ENDOD1: variants seen among roughly 807,000 people sequenced by gnomAD.
ENDOD1 encodes endonuclease domain containing 1.
In ENDOD1, 9 loss-of-function variants were observed where a neutral mutation model predicts 6.5. That is an observed-to-expected ratio of 1.39 (90% CI 0.84 to 2.43). The LOEUF is 2.43. Among genes scored for constraint, ENDOD1 ranks in the 30% most tolerant of loss-of-function variants. The probability of loss-of-function intolerance (pLI) is 0.00; values close to 1 mark genes in which losing one functional copy is unlikely to be tolerated. For synonymous variants in ENDOD1, 255 were observed against 255.2 expected (o/e 1.00, Z 0.01); for missense variants, 648 against 635.5 (o/e 1.02, Z -0.21).
rs1304756733 is a variant in ENDOD1, at chr11:95,131,784, C to A, written c.*2205C>A. 6.6e-6 allele frequency: 1 copy of A among 152,230 alleles called. No individual in the cohort carries two copies. The highest frequency in any genetic ancestry group is 1.5e-5 in the Non-Finnish European group (1 of 68,048). The allele number at this position is 152,230 out of a possible 1,614,324, so 9.4% of individuals were successfully genotyped here. On this transcript the variant is annotated 3_prime_UTR_variant, in exon 2 of 2. Transcript: ENST00000278505. ...CACGGCAGCTTGAGCCCCTTAGCAC[C>A]ATGTAAGGAGCACAGCATCCAAACG...
At position 95,117,423 on chromosome 11, in the gene ENDOD1, T is replaced by A. The variant is rs114918481; in HGVS notation, c.301-10954T>A. On this transcript the variant is annotated intron_variant, in intron 1 of 1. Coordinates refer to ENST00000278505, the MANE Select transcript of ENDOD1 (RefSeq NM_015036.3). ...GACTCTGTCTCAAAAACAAAAACTT[T>A]GCATTATATATCTGGGTGCTCCCAT... Among the ~76,000 whole-genome samples the A allele has an allele frequency of 9.1e-3, 1,384 of 152,216 alleles. 26 individuals carry two copies. Among genetic ancestry groups the A allele is most frequent in the African/African-American group, 0.032 (1,318 of 41,548 alleles).
chr11:95,128,259 T>G, intron 1 of ENDOD1, 118 bp from the exon 2 acceptor site: 9 of 1,207,078 alleles, frequency 7.5e-6, no homozygotes, highest in Non-Finnish European at 9.2e-6. Flanking sequence ...CCTTCCAAAC[T>G]CAAGCGTTTG....
chr11:95,117,006 C>G (rs1440933129), intron 1 of ENDOD1, among the ~76,000 whole-genome samples: 2 of 152,198 alleles, frequency 1.3e-5, no homozygotes, highest in Admixed American at 1.3e-4. Flanking sequence ...TATGATGTTT[C>G]TTTGTCTTTG....
intron 1 of ENDOD1, among the ~76,000 whole-genome samples, chr11:95,106,379 C>T (rs1213680121): frequency 9.2e-5 from 14 of 152,120 alleles, no homozygotes; most frequent in African/African-American, 3.4e-4. Flanking sequence ...AGCCATGTAA[C>T]TGACATGGAT....
intron 1 of ENDOD1, among the ~76,000 whole-genome samples, chr11:95,104,575 C>CTTACTGGG (rs1368392549): frequency 6.6e-6 from 1 of 152,058 alleles, no homozygotes; most frequent in Admixed American, 6.5e-5. Flanking sequence ...CCTCAAAGGC[C>CTTACTGGG]TTACTGGGTT....
rs1859065003 is a variant in ENDOD1, at chr11:95,103,856, A to G, written c.300+13629A>G. 9.9e-5 allele frequency among the ~76,000 whole-genome samples: 15 copies of G among 152,226 alleles called. 1 individual carries two copies. Among genetic ancestry groups the G allele is most frequent in the Admixed American group, 9.8e-4 (15 of 15,284 alleles). ...CCTAAACACTCGGCGCATATATGTT[A>G]AGCATGTTGAATGAATAAGTAGCCT... On this transcript the variant is annotated intron_variant, in intron 1 of 1. Transcript: ENST00000278505.
intron 1 of ENDOD1, among the ~76,000 whole-genome samples, chr11:95,100,311 G>A (rs782521346): frequency 2.0e-5 from 3 of 151,952 alleles, no homozygotes; most frequent in Non-Finnish European, 2.9e-5. Flanking sequence ...TACTCTGAAG[G>A]CCTCTTTGGA....
At chr11:95,114,388 A>G (rs1317433484) in intron 1 of ENDOD1, among the ~76,000 whole-genome samples, 2 of 152,310 alleles carry the variant, frequency 1.3e-5, no homozygotes, top group South Asian at 4.1e-4. Flanking sequence ...CTTCTTATAT[A>G]TGCTGGTTAT....
intron 1 of ENDOD1, among the ~76,000 whole-genome samples, chr11:95,124,893 A>G (rs1859296645): frequency 6.6e-6 from 1 of 152,186 alleles, no homozygotes; most frequent in African/African-American, 2.4e-5. Context: ...ACAGTCCTTT[A>G]TAAGTCCATT....
rs1859379188 is a variant in ENDOD1 at position 95,132,374 on chromosome 11, G to T, written c.*2795G>T. 1.3e-5 allele frequency: 2 copies of T among 152,636 alleles called. No homozygotes were observed. The highest frequency in any genetic ancestry group is 6.5e-5 in the Admixed American group (1 of 15,278). The allele number at this position is 152,636 out of a possible 1,614,324, so 9.5% of individuals were successfully genotyped here. ...GTCAAACACGTATTTGGACATCAAG[G>T]TTGCAGAGATGAACAATGCATGGAT... is the stretch of plus-strand genomic sequence containing the variant. On this transcript the variant is annotated 3_prime_UTR_variant, in exon 2 of 2. Transcript: ENST00000278505.
At chr11:95,110,485 A>G (rs1391004412) in intron 1 of ENDOD1, among the ~76,000 whole-genome samples, 1 of 152,140 alleles carries the variant, frequency 6.6e-6, no homozygotes, top group Non-Finnish European at 1.5e-5. Context: ...AGTCTGTAAA[A>G]AATACCAGAG....
At chr11:95,123,965 T>C (rs1007748727) in intron 1 of ENDOD1, among the ~76,000 whole-genome samples, 2 of 152,084 alleles carry the variant, frequency 1.3e-5, no homozygotes, top group Non-Finnish European at 2.9e-5. Flanking sequence ...CAAAATACCA[T>C]GGACCTCTCA....
rs1555111806 is a variant in ENDOD1 at position 95,110,574 on chromosome 11, C to CATGTGTGT, written c.301-17803_301-17802insATGTGTGT. ...ACTCTTTTTTGCTGACTTTCAAGTC[C>CATGTGTGT]GTGTATGTATGTGTGTGTGTGTGTG... On this transcript the variant is annotated intron_variant, in intron 1 of 1. Transcript: ENST00000278505. Among the ~76,000 whole-genome samples the CATGTGTGT allele has an allele frequency of 2.7e-3, 370 of 138,804 alleles. 1 individual carries two copies. The highest frequency in any genetic ancestry group is 3.4e-3 in the Non-Finnish European group (218 of 63,854). 91.1% of individuals were successfully genotyped at this position (138,804 alleles called of 152,430 possible).
In ENDOD1 at chr11:95,131,394, C is replaced by T. The variant is rs1211729342; in HGVS notation, c.*1815C>T. 6.6e-6 allele frequency: 1 copy of T among 152,172 alleles called. No homozygotes were observed. The highest frequency in any genetic ancestry group is 1.5e-5 in the Non-Finnish European group (1 of 68,072). The allele number at this position is 152,172 out of a possible 1,614,324, so 9.4% of individuals were successfully genotyped here. On this transcript the variant is annotated 3_prime_UTR_variant, in exon 2 of 2. Coordinates refer to ENST00000278505, the MANE Select transcript of ENDOD1 (RefSeq NM_015036.3). ...AAAGAAAAGGAATTTTAGAAGTGAC[C>T]AGAGGGACAGTCCAGCCAAACTATT...
rs202118309 is a variant in ENDOD1 at position 95,128,626 on chromosome 11, C to G, written c.550C>G (p.Arg184Gly). The G allele has an allele frequency of 2.5e-5, 40 of 1,614,172 alleles. 1 individual carries two copies. In the South Asian group the frequency reaches 3.8e-4, roughly 16 times the overall value. The change falls in exon 2 of 2, where the codon CGG becomes GGG. Residue 184 changes from arginine (R) to glycine (G), a missense_variant. Coordinates refer to ENST00000278505, the MANE Select transcript of ENDOD1 (RefSeq NM_015036.3). ...WYVNLHSLMDRALTPQCGSGE... is the reference protein window; with the variant it reads ...WYVNLHSLMDGALTPQCGSGE... Reference sequence around the variant, plus strand: ...TGTGAATCTCCACAGCCTAATGGACCGGGCTTTGACCCCACAGTGTGGCAG... The same window carrying G: ...TGTGAATCTCCACAGCCTAATGGACGGGGCTTTGACCCCACAGTGTGGCAG...
At chr11:95,110,648 A>T (rs1012749038) in intron 1 of ENDOD1, among the ~76,000 whole-genome samples, 1 of 151,972 alleles carries the variant, frequency 6.6e-6, no homozygotes, top group African/African-American at 2.4e-5. Flanking sequence ...GTAACACATT[A>T]CAAGCCTCTC....
In ENDOD1 at chr11:95,129,680, G is replaced by A. The variant is rs558010986; in HGVS notation, c.*101G>A. On this transcript the variant is annotated 3_prime_UTR_variant, in exon 2 of 2. Coordinates refer to ENST00000278505, the MANE Select transcript of ENDOD1 (RefSeq NM_015036.3). ...TCACTGTCAGTTATCATTATATTTT[G>A]GCCTTTGGTGGGGATGTCTGCTTGT... is the stretch of plus-strand genomic sequence containing the variant. 2.9e-6 allele frequency: 4 copies of A among 1,365,304 alleles called. No homozygotes were observed. In the African/African-American group the frequency reaches 4.4e-5, roughly 15 times the overall value. 84.6% of individuals were successfully genotyped at this position (1,365,304 alleles called of 1,614,324 possible). A position where few individuals can be genotyped will look rare whatever the true frequency, so the allele number is the denominator to read the frequency against.
Position 95,090,099 on chromosome 11 carries a change from C to G in ENDOD1, c.172C>G (p.Arg58Gly), listed in dbSNP as rs1555109666. ...CGATTCCCACGTGAAGATCTGTCAG[C>G]GCGCGGAGGGTGCTGAGCGCTTCGC... Reference protein sequence around the residue: ...AADSHVKICQRAEGAERFATL... With the variant: ...AADSHVKICQGAEGAERFATL... The change falls in exon 1 of 2, where the codon CGC becomes GGC. Residue 58 changes from arginine (R) to glycine (G), a missense_variant. By Grantham distance (125) the Arg-to-Gly change is moderately radical. Coordinates refer to ENST00000278505, the MANE Select transcript of ENDOD1 (RefSeq NM_015036.3). 13 of 1,594,934 alleles carry G rather than the reference C, an allele frequency of 8.2e-6. No individual in the cohort carries two copies. The East Asian group carries it at 2.8e-4, about 34-fold the overall frequency.
chr11:95,113,788 T>C (rs540370369), intron 1 of ENDOD1, among the ~76,000 whole-genome samples: 1 of 152,334 alleles, frequency 6.6e-6, no homozygotes, highest in African/African-American at 2.4e-5. Flanking sequence ...CTGCGTCATA[T>C]TGTCACTCTA....
Sources: gnomAD v4.1 joint callset for allele counts (sites outside exome capture counted in the v4.1 genomes callset) on GRCh38, gnomAD v4.1.1 for gene constraint, MANE v1.5 for transcripts, NCBI Gene and HGNC (gene_info 2026-07-23, HGNC 2026-07-21) for gene names.